Variants in GYG1 observed in about 807,000 individuals in gnomAD.
GYG1 encodes glycogenin-1.
Under a neutral mutation model 41.9 loss-of-function variants are expected in GYG1, and 44 were observed. The observed-to-expected ratio is 1.05, with a 90% CI of 0.83 to 1.35. The LOEUF is 1.35. Among genes scored for constraint, GYG1 ranks in the 40% most tolerant of loss-of-function variants. The pLI, the probability that GYG1 is intolerant of heterozygous loss-of-function variation, is 0.00. For missense variants in GYG1, 429 were observed against 418.9 expected, an observed-to-expected ratio of 1.02 and a Z score of -0.21; for synonymous variants, 141 against 158.1, an observed-to-expected ratio of 0.89 and a Z score of 0.81.
At position 149,027,509 on chromosome 3, in the gene GYG1, T is replaced by A. The variant is rs1452045051; in HGVS notation, c.*576T>A. 13 of 156,608 alleles carry A rather than the reference T, an allele frequency of 8.3e-5. No homozygotes were observed. Among genetic ancestry groups the A allele is most frequent in the Admixed American group, 8.0e-4 (13 of 16,212 alleles). 9.7% of individuals were successfully genotyped at this position (156,608 alleles called of 1,614,324 possible). A position where few individuals can be genotyped will look rare whatever the true frequency, so the allele number is the denominator to read the frequency against. The stretch of plus-strand genomic sequence containing the variant: ...TCTGAAGATGCTCACCAGTTTTCTG[T>A]GTACAGTAAGGCAGCATGCTAAAAT... On this transcript the variant is annotated 3_prime_UTR_variant, in exon 8 of 8. Transcript: ENST00000345003.
chr3:149,011,540 G>A (rs1430469476), intron 5 of GYG1, among the ~76,000 whole-genome samples: 1 of 152,098 alleles, frequency 6.6e-6, no homozygotes, highest in African/African-American at 2.4e-5. Flanking sequence ...TACCTTTCGG[G>A]GATAGCCTGG....
chr3:148,995,378 T>C lies in GYG1; in HGVS notation c.144-924T>C, dbSNP rs186928314. Among the ~76,000 whole-genome samples the C allele has an allele frequency of 3.3e-4, 50 of 152,300 alleles. No homozygotes were observed. The East Asian group carries it at 9.1e-3, about 28-fold the overall frequency. ...CCCTTTTTGTGACTTTTTATTTTTT[T>C]CCCAAAAAGTATAAGCACAGGCCAA... On this transcript the variant is annotated intron_variant, in intron 2 of 7. Transcript: ENST00000345003.
rs773339568 is a variant in GYG1 at position 149,028,367 on chromosome 3, C to T, written c.*1434C>T. ...TTATAAAATATTAAATGATAAATGA[C>T]TTCTGAAACTAGCTATTTGGACTGG... On this transcript the variant is annotated 3_prime_UTR_variant, in exon 8 of 8. Coordinates refer to ENST00000345003, the MANE Select transcript of GYG1 (RefSeq NM_004130.4). 5.3e-5 allele frequency among the ~76,000 whole-genome samples: 8 copies of T among 152,168 alleles called. No homozygotes were observed. Among genetic ancestry groups the T allele is most frequent in the Non-Finnish European group, 1.0e-4 (7 of 68,034 alleles).
intron 1 of GYG1, 64 bp from the exon 2 acceptor site, chr3:148,994,078 C>T (rs1161784120): frequency 1.4e-6 from 2 of 1,462,506 alleles, no homozygotes; most frequent in Non-Finnish European, 1.9e-6. Flanking sequence ...GAATGGGTTC[C>T]TGGGGAAAAG....
At chr3:149,026,016 TATGTTGCCTCAGCTATA>T in intron 6 of GYG1, among the ~76,000 whole-genome samples, 1 of 152,308 alleles carries the variant, frequency 6.6e-6, no homozygotes, top group South Asian at 2.1e-4. Flanking sequence ...AGGACTTCCT[TATGTTGCCTCAGCTATA>T]ATGCAGTCCT....
intron 1 of GYG1, chr3:148,992,888 G>A (rs1318297564): frequency 2.0e-5 from 3 of 151,872 alleles, no homozygotes; most frequent in Non-Finnish European, 2.9e-5. Context: ...TGGCTCTCAG[G>A]TCAGCAGCCG....
In GYG1 at chr3:149,031,170, A is replaced by G. The variant is rs1470503442; in HGVS notation, c.*4237A>G. On this transcript the variant is annotated 3_prime_UTR_variant, in exon 8 of 8. Coordinates refer to ENST00000345003, the MANE Select transcript of GYG1 (RefSeq NM_004130.4). ...ATTAACAAAAAAGTAAAAAAAAAAG[A>G]AAAGAAAAAAGATGACTAATTCTAC... is the stretch of plus-strand genomic sequence containing the variant. 6.6e-6 allele frequency: 1 copy of G among 152,322 alleles called. No individual in the cohort carries two copies. Among genetic ancestry groups the G allele is most frequent in the African/African-American group, 2.4e-5 (1 of 41,422 alleles). 9.4% of individuals were successfully genotyped at this position (152,322 alleles called of 1,614,324 possible). A position where few individuals can be genotyped will look rare whatever the true frequency, so the allele number is the denominator to read the frequency against.
chr3:148,997,152 TTTAAG>T (rs891262660), intron 4 of GYG1, among the ~76,000 whole-genome samples: 3 of 152,180 alleles, frequency 2.0e-5, no homozygotes, highest in African/African-American at 7.2e-5. Flanking sequence ...TAGGATTGTC[TTTAAG>T]TTGTCTTCCT....
At chr3:149,007,398 C>A (rs1330500517) in intron 4 of GYG1, among the ~76,000 whole-genome samples, 4 of 152,160 alleles carry the variant, frequency 2.6e-5, no homozygotes, top group African/African-American at 9.7e-5. Context: ...AAGAGTGAAA[C>A]TGATTTTCTG....
intron 4 of GYG1, among the ~76,000 whole-genome samples, chr3:149,005,047 T>C (rs764428534): frequency 2.0e-5 from 3 of 152,200 alleles, no homozygotes; most frequent in African/African-American, 4.8e-5. Flanking sequence ...ATTTCTTTAC[T>C]GCATTATGGG....
chr3:148,994,119 G>T, intron 1 of GYG1, 23 bp from the exon 2 acceptor site: 1 of 1,430,462 alleles, frequency 7.0e-7, no homozygotes, highest in Non-Finnish European at 9.6e-7. Context: ...TGTAATGAGT[G>T]TTTTTTTTTT....
At chr3:149,015,869 G>A (rs1344138212) in intron 5 of GYG1, among the ~76,000 whole-genome samples, 2 of 152,072 alleles carry the variant, frequency 1.3e-5, no homozygotes, top group African/African-American at 2.4e-5. Flanking sequence ...TTGGGGGTGG[G>A]GACAATGCAG....
At chr3:148,991,802 C>G (rs955055741) in intron 1 of GYG1, among the ~76,000 whole-genome samples, 155 bp downstream of exon 1, 2 of 152,206 alleles carry the variant, frequency 1.3e-5, no homozygotes, top group African/African-American at 4.8e-5. Context: ...GTGTTTCTGC[C>G]TGCGTCAGCT....
intron 5 of GYG1, among the ~76,000 whole-genome samples, chr3:149,011,137 C>G (rs1269238315): frequency 6.6e-6 from 1 of 152,192 alleles, no homozygotes; most frequent in Admixed American, 6.5e-5. Context: ...AACACACCAA[C>G]TGTGTTCTGA....
At position 149,000,252 on chromosome 3, in the gene GYG1, G is replaced by A. The variant is rs1162629033; in HGVS notation, c.481+3348G>A. On this transcript the variant is annotated intron_variant, in intron 4 of 7. Transcript: ENST00000345003. ...CTGGTGACTACATAACCGAATTCAT[G>A]GCTGGTGTCTAATTTTCCATAATGA... Among the ~76,000 whole-genome samples, 10 of 152,288 alleles carry A rather than the reference G, an allele frequency of 6.6e-5. No individual in the cohort carries two copies. In the East Asian group the frequency reaches 1.9e-3, roughly 29 times the overall value.
chr3:149,000,796 CTG>C (rs1713052805), intron 4 of GYG1: 1 of 152,016 alleles, frequency 6.6e-6, no homozygotes, highest in Non-Finnish European at 1.5e-5. Flanking sequence ...GAATTTTGGT[CTG>C]TAGTTGAATT....
At position 148,995,753 on chromosome 3, in the gene GYG1, G is replaced by A. The variant is rs144002376; in HGVS notation, c.144-549G>A. On this transcript the variant is annotated intron_variant, in intron 2 of 7. Coordinates refer to ENST00000345003, the MANE Select transcript of GYG1 (RefSeq NM_004130.4). ...CTTTCAGTATGATACGTTTTTACCC[G>A]TGCTCAGTTTAGTGTCTTACCCAAG... is the stretch of plus-strand genomic sequence containing the variant. 8.5e-3 allele frequency among the ~76,000 whole-genome samples: 1,297 copies of A among 152,224 alleles called. 5 individuals carry two copies. The highest frequency in any genetic ancestry group is 0.037 in the Middle Eastern group (11 of 294).
chr3:149,008,513 G>GC (rs1308240030), intron 4 of GYG1, among the ~76,000 whole-genome samples: 1 of 152,208 alleles, frequency 6.6e-6, no homozygotes, highest in Non-Finnish European at 1.5e-5. Context: ...GTATGCCTGT[G>GC]CACCCCTCAG....
chr3:148,994,533 AGTC>A (rs1180451837), intron 2 of GYG1, among the ~76,000 whole-genome samples: 1 of 151,942 alleles, frequency 6.6e-6, no homozygotes, highest in African/African-American at 2.4e-5. Context: ...GGAAAGAAGG[AGTC>A]GTCTTCCTTC....
Sources: gnomAD v4.1 joint callset for allele counts (sites outside exome capture counted in the v4.1 genomes callset) on GRCh38, gnomAD v4.1.1 for gene constraint, MANE v1.5 for transcripts, NCBI Gene and HGNC (gene_info 2026-07-23, HGNC 2026-07-21) for gene names.